The following TENM1 variants were observed in gnomAD, a reference collection of about 807,000 sequenced individuals.
The protein encoded by TENM1 is teneurin-1.
A neutral mutation model predicts 174.8 loss-of-function variants in TENM1; 35 were observed. The observed-to-expected ratio is 0.20, with a 90% CI of 0.15 to 0.27. The LOEUF (loss-of-function observed/expected upper bound fraction) is 0.27, where lower values mean the gene tolerates loss of function less well. TENM1 is among the 10% of genes least tolerant of loss of function. The probability of loss-of-function intolerance (pLI) is 1.00; values close to 1 mark genes in which losing one functional copy is unlikely to be tolerated. For missense variants in TENM1, 1,633 were observed against 2,130.1 expected (o/e 0.77, Z 4.59); for synonymous variants, 781 against 798.7 (o/e 0.98, Z 0.37).
intron 3 of TENM1, among the ~76,000 whole-genome samples, chrX:124,738,235 G>C (rs2053722688): frequency 9.0e-6 from 1 of 111,379 alleles, no homozygotes; most frequent in Admixed American, 9.5e-5. Context: ...AAATGACTGA[G>C]AGTTGAAAAG....
At chrX:124,907,526 C>G in intron 1 of TENM1, among the ~76,000 whole-genome samples, 1 of 111,744 alleles carries the variant, frequency 8.9e-6, no homozygotes, top group Non-Finnish European at 1.9e-5. Context: ...TGTTTTGTCC[C>G]ATAGCTACAA....
At chrX:125,108,987 C>T in the TENM1 span, among the ~76,000 whole-genome samples, 1 of 110,948 alleles carries the variant, frequency 9.0e-6, no homozygotes, top group African/African-American at 3.3e-5. Flanking sequence ...ACACACCAAA[C>T]TCTTTCACAC....
At chrX:125,177,882 G>A in the TENM1 span, among the ~76,000 whole-genome samples, 1 of 111,754 alleles carries the variant, frequency 8.9e-6, no homozygotes, top group African/African-American at 3.2e-5. Flanking sequence ...AAACCCCAAG[G>A]TTTTGTTTTT....
At chrX:125,201,088 G>A in the TENM1 span, among the ~76,000 whole-genome samples, 2 of 112,090 alleles carry the variant, frequency 1.8e-5, no homozygotes, top group Admixed American at 1.9e-4. Flanking sequence ...AACATATCAG[G>A]AATGTTTTGC....
At chrX:124,426,968 C>T (rs780438059) in intron 23 of TENM1, among the ~76,000 whole-genome samples, 2 of 111,589 alleles carry the variant, frequency 1.8e-5, no homozygotes, top group Non-Finnish European at 3.8e-5. Flanking sequence ...ACTGTGTGCC[C>T]CTGCCTTGGA....
chrX:124,566,349 A>G (rs1053254036), intron 11 of TENM1, among the ~76,000 whole-genome samples: 2 of 112,244 alleles, frequency 1.8e-5, no homozygotes, highest in Non-Finnish European at 3.8e-5. Context: ...ACAGTATAAT[A>G]ATGATGATGT....
At chrX:124,862,847 A>G (rs2056938232) in intron 3 of TENM1, among the ~76,000 whole-genome samples, 1 of 108,235 alleles carries the variant, frequency 9.2e-6, no homozygotes, top group African/African-American at 3.4e-5. Flanking sequence ...TGCACAGATC[A>G]CAGCTCCAAA....
At chrX:125,193,515 G>A in the TENM1 span, among the ~76,000 whole-genome samples, 64 of 111,447 alleles carry the variant, frequency 5.7e-4, 1 homozygote, top group Non-Finnish European at 1.7e-4. Context: ...ACACCCTTGC[G>A]TCCGGTGTAT....
chrX:124,717,469 G>A (rs1442584543), intron 4 of TENM1, among the ~76,000 whole-genome samples: 1 of 111,698 alleles, frequency 9.0e-6, no homozygotes, highest in East Asian at 2.8e-4. Context: ...CAGAGCTGGA[G>A]TTACAACATT....
At chrX:124,712,817 T>C (rs1368584769) in intron 4 of TENM1, among the ~76,000 whole-genome samples, 1 of 112,050 alleles carries the variant, frequency 8.9e-6, no homozygotes, top group Non-Finnish European at 1.9e-5. Context: ...GGCATTTGTA[T>C]ATCACTTTTG....
chrX:124,675,618 T>TC, intron 5 of TENM1, among the ~76,000 whole-genome samples: 1 of 108,506 alleles, frequency 9.2e-6, no homozygotes, highest in South Asian at 4.1e-4. Flanking sequence ...TTTTTTTTTT[T>TC]CTGAGTTTAC....
chrX:124,930,038 C>A (rs770057418), intron 1 of TENM1, among the ~76,000 whole-genome samples: 2 of 109,518 alleles, frequency 1.8e-5, no homozygotes, highest in Non-Finnish European at 3.8e-5. Flanking sequence ...CACCTCATAC[C>A]GTAACCTCTA....
At chrX:124,932,898 T>C (rs752917681) in intron 1 of TENM1, among the ~76,000 whole-genome samples, 1 of 111,544 alleles carries the variant, frequency 9.0e-6, no homozygotes, top group East Asian at 2.8e-4. Context: ...ATTTTTAAAT[T>C]TTTACCTTAA....
At chrX:124,940,539 G>A (rs1223937426) in intron 1 of TENM1, among the ~76,000 whole-genome samples, 1 of 111,183 alleles carries the variant, frequency 9.0e-6, no homozygotes, top group Non-Finnish European at 1.9e-5. Flanking sequence ...GCTTAAGCTA[G>A]TTTGAGTTGA....
chrX:124,547,900 A>G (rs368960785), intron 14 of TENM1, among the ~76,000 whole-genome samples: 3 of 112,119 alleles, frequency 2.7e-5, no homozygotes, highest in East Asian at 5.6e-4. Flanking sequence ...GCAGTGGCAC[A>G]ATCTCGGCTC....
At chrX:125,033,106 T>C in the TENM1 span, among the ~76,000 whole-genome samples, 1 of 110,995 alleles carries the variant, frequency 9.0e-6, no homozygotes, top group South Asian at 3.8e-4. Flanking sequence ...GATAACACAA[T>C]GGGGTGGGCC....
chrX:124,517,762 T>C (rs1262252371), intron 18 of TENM1, among the ~76,000 whole-genome samples: 5 of 109,151 alleles, frequency 4.6e-5, no homozygotes, highest in Non-Finnish European at 7.6e-5. Flanking sequence ...TGTATACATA[T>C]GTAACAAACC....
At chrX:124,890,841 A>T (rs946918452) in intron 3 of TENM1, among the ~76,000 whole-genome samples, 1 of 111,840 alleles carries the variant, frequency 8.9e-6, no homozygotes, top group Non-Finnish European at 1.9e-5. Context: ...ATACATGCAA[A>T]AGAAAGGAAA....
At chrX:124,655,490 T>C (rs896138267) in intron 6 of TENM1, among the ~76,000 whole-genome samples, 10 of 111,771 alleles carry the variant, frequency 8.9e-5, no homozygotes, top group South Asian at 3.7e-4. Flanking sequence ...CTTTATTTTT[T>C]TCAGCCATCA....
Sources: allele counts gnomAD v4.1 joint callset (sites outside exome capture counted in the v4.1 genomes callset), GRCh38; gene constraint gnomAD v4.1.1; transcripts MANE v1.5; gene names NCBI Gene and HGNC (gene_info 2026-07-23, HGNC 2026-07-21).